Variants in NRXN3 observed in about 807,000 individuals in gnomAD.
The protein encoded by NRXN3 is neurexin 3.
Under a neutral mutation model 137.6 loss-of-function variants are expected in NRXN3, and 32 were observed. The ratio of observed to expected loss-of-function variants is 0.23; its 90% CI spans 0.18 to 0.31. The LOEUF is 0.31. NRXN3 is among the 10% of genes least tolerant of loss of function. The pLI, the probability that NRXN3 is intolerant of heterozygous loss-of-function variation, is 1.00. For synonymous variants in NRXN3, 798 were observed against 784.5 expected (o/e 1.02, Z -0.29); for missense variants, 1,574 against 2,062.5 (o/e 0.76, Z 4.59).
At chr14:78,714,657 C>T (rs932355036) in intron 7 of NRXN3, 99 bp from the exon 8 acceptor site, 1 of 1,332,556 alleles carries the variant, frequency 7.5e-7, no homozygotes, top group East Asian at 2.3e-5. Flanking sequence ...TTGTTCTCTC[C>T]TGGCCAGCCA....
intron 3 of NRXN3, among the ~76,000 whole-genome samples, chr14:78,288,062 C>T (rs532391560): frequency 6.4e-4 from 98 of 152,154 alleles, no homozygotes; most frequent in African/African-American, 2.3e-3. Context: ...TCACTGCAAC[C>T]TCTGCCTCCC....
intron 4 of NRXN3, among the ~76,000 whole-genome samples, chr14:78,346,721 C>G (rs755031417): frequency 6.6e-6 from 1 of 152,174 alleles, no homozygotes; most frequent in African/African-American, 2.4e-5. Context: ...AACCACCTAA[C>G]CCACCATGCC....
At chr14:79,555,702 G>A (rs1162774659) in intron 16 of NRXN3, among the ~76,000 whole-genome samples, 1 of 152,102 alleles carries the variant, frequency 6.6e-6, no homozygotes, top group Non-Finnish European at 1.5e-5. Flanking sequence ...TCCAGGAAAA[G>A]GGAATAGCAA....
At chr14:78,191,206 G>GA (rs1379534397) in intron 1 of NRXN3, among the ~76,000 whole-genome samples, 1 of 152,162 alleles carries the variant, frequency 6.6e-6, no homozygotes, top group African/African-American at 2.4e-5. Flanking sequence ...ATGACCATTG[G>GA]TGAAGGACTA....
chr14:79,837,465 T>G (rs1019220361), intron 20 of NRXN3, among the ~76,000 whole-genome samples: 1 of 152,130 alleles, frequency 6.6e-6, no homozygotes, highest in Non-Finnish European at 1.5e-5. Context: ...TCTGGAAGCT[T>G]TGCTTGTTAG....
chr14:79,166,150 T>C lies in NRXN3; in HGVS notation c.3262+178009T>C, dbSNP rs141714196. Among the ~76,000 whole-genome samples, 265 of 152,124 alleles carry C rather than the reference T, an allele frequency of 1.7e-3. 1 individual carries two copies. The highest frequency in any genetic ancestry group is 6.0e-3 in the African/African-American group (248 of 41,522). The stretch of plus-strand genomic sequence containing the variant: ...TGTTAAAATAGTTCCTCCTAAATAA[T>C]GTATAGCTGGAAATAATTCAAGGGA... On this transcript the variant is annotated intron_variant, in intron 15 of 20. Transcript: ENST00000335750.
chr14:79,795,732 A>G (rs2099159111), intron 19 of NRXN3, among the ~76,000 whole-genome samples: 1 of 151,874 alleles, frequency 6.6e-6, no homozygotes, highest in African/African-American at 2.4e-5. Flanking sequence ...TTTTTTTCAC[A>G]GTGTAATAAG....
intron 1 of NRXN3, among the ~76,000 whole-genome samples, chr14:78,218,813 C>T (rs2063545678): frequency 6.6e-6 from 1 of 152,176 alleles, no homozygotes; most frequent in South Asian, 2.1e-4. Flanking sequence ...GAGAGCCCCT[C>T]TGTATTGGTT....
At chr14:78,880,203 G>T (rs961536149) in intron 10 of NRXN3, among the ~76,000 whole-genome samples, 1 of 133,226 alleles carries the variant, frequency 7.5e-6, no homozygotes, top group East Asian at 2.2e-4. Flanking sequence ...TCCCGCCACT[G>T]CACTCCAGCC....
intron 10 of NRXN3, among the ~76,000 whole-genome samples, chr14:78,851,425 C>T (rs2099042245): frequency 1.3e-5 from 2 of 152,190 alleles, no homozygotes; most frequent in South Asian, 4.1e-4. Context: ...GTGCATCACT[C>T]GTAAAGGCTG....
chr14:78,201,293 C>A (rs1048586057), intron 1 of NRXN3, among the ~76,000 whole-genome samples: 1 of 152,202 alleles, frequency 6.6e-6, no homozygotes, highest in Non-Finnish European at 1.5e-5. Context: ...AGCCTAAATT[C>A]TCCACACTGT....
intron 1 of NRXN3, among the ~76,000 whole-genome samples, chr14:78,208,767 C>T (rs191916198): frequency 9.9e-5 from 15 of 152,268 alleles, no homozygotes; most frequent in East Asian, 3.9e-4. Flanking sequence ...ATTATATGGC[C>T]GTGTGTGTAC....
At chr14:78,200,305 C>T (rs907413283) in intron 1 of NRXN3, among the ~76,000 whole-genome samples, 5 of 152,054 alleles carry the variant, frequency 3.3e-5, no homozygotes, top group Non-Finnish European at 2.9e-5. Context: ...ATATGGTTGC[C>T]GATGCGGAAG....
intron 8 of NRXN3, among the ~76,000 whole-genome samples, chr14:78,728,356 T>C (rs901338785): frequency 1.2e-4 from 19 of 152,146 alleles, no homozygotes; most frequent in South Asian, 6.2e-4. Flanking sequence ...AACACATCTG[T>C]TTAAAAAGAG....
At chr14:79,745,758 C>A (rs550512355) in intron 19 of NRXN3, among the ~76,000 whole-genome samples, 14 of 142,874 alleles carry the variant, frequency 9.8e-5, no homozygotes, top group African/African-American at 2.4e-4. Context: ...CATGCTCCCC[C>A]CTGCAATCTG....
intron 4 of NRXN3, among the ~76,000 whole-genome samples, chr14:78,585,141 G>A (rs537592023): frequency 9.1e-6 from 1 of 109,858 alleles, no homozygotes; most frequent in African/African-American, 3.9e-5. Flanking sequence ...GGGAGATAAG[G>A]GGGGGGGGTG....
chr14:79,622,229 G>A (rs1236014865), intron 16 of NRXN3, among the ~76,000 whole-genome samples: 1 of 152,178 alleles, frequency 6.6e-6, no homozygotes, highest in Non-Finnish European at 1.5e-5. Context: ...ACATGGATTT[G>A]CACAGATGAG....
intron 4 of NRXN3, among the ~76,000 whole-genome samples, chr14:78,379,555 CA>C (rs1297068240): frequency 2.6e-5 from 4 of 152,126 alleles, no homozygotes; most frequent in Non-Finnish European, 5.9e-5. Flanking sequence ...TGACAAAATT[CA>C]ACACTTCTTT....
rs7492592 is a variant in NRXN3, at chr14:78,355,916, C to T, written c.757+58056C>T. ...CTTCCAGCACTAGGCAACAGTTGAG[C>T]TCCTTCATTCATTGTAGCATTCAGG... On this transcript the variant is annotated intron_variant, in intron 4 of 20. Transcript: ENST00000335750. Among the ~76,000 whole-genome samples, 1,262 of 152,326 alleles carry T rather than the reference C, an allele frequency of 8.3e-3. 41 individuals carry two copies. The East Asian group carries it at 0.085, about 10-fold the overall frequency.
Sources: gnomAD v4.1 joint callset for allele counts (sites outside exome capture counted in the v4.1 genomes callset) on GRCh38, gnomAD v4.1.1 for gene constraint, MANE v1.5 for transcripts, NCBI Gene and HGNC (gene_info 2026-07-23, HGNC 2026-07-21) for gene names.